DESI1: variants seen among roughly 807,000 people sequenced by gnomAD.
DESI1 encodes the protein PPPDE peptidase domain containing 2.
Under a neutral mutation model 22.4 loss-of-function variants are expected in DESI1, and 17 were observed. The observed-to-expected ratio is 0.76, with a 90% confidence interval of 0.52 to 1.14. DESI1 has a LOEUF of 1.14. DESI1 is among the 50% of genes most tolerant of loss of function. The pLI, the probability that DESI1 is intolerant of heterozygous loss-of-function variation, is 0.00. For synonymous variants in DESI1, 92 were observed against 84.2 expected (o/e 1.09, Z -0.51); for missense variants, 177 against 208.9 (o/e 0.85, Z 0.94).
At chr22:41,612,734 A>G (rs1366612195) in intron 1 of DESI1, among the ~76,000 whole-genome samples, 2 of 149,760 alleles carry the variant, frequency 1.3e-5, no homozygotes, top group Admixed American at 6.7e-5. Context: ...TGCTGAGACT[A>G]TATGTGTACC....
rs751923722 is a variant in DESI1, at chr22:41,600,361, T to A, written c.*736A>T. 6.6e-6 allele frequency: 1 copy of A among 152,318 alleles called. No homozygotes were observed. The highest frequency in any genetic ancestry group is 1.5e-5 in the Non-Finnish European group (1 of 68,164). 9.4% of individuals were successfully genotyped at this position (152,318 alleles called of 1,614,324 possible). ...GCTCCAGCCCAGACCTCATCCACTA[T>A]GACAAGTCAGCTATGCTGAGGAAAG... On this transcript the variant is annotated 3_prime_UTR_variant, in exon 6 of 6. Coordinates refer to ENST00000263256, the MANE Select transcript of DESI1 (RefSeq NM_015704.3).
intron 3 of DESI1, among the ~76,000 whole-genome samples, chr22:41,604,657 C>T (rs1000342364): frequency 4.0e-5 from 6 of 151,776 alleles, no homozygotes; most frequent in Non-Finnish European, 8.8e-5. Flanking sequence ...CTTTGGCTTC[C>T]CTGAGGCACA....
chr22:41,608,468 T>C (rs192350794), intron 1 of DESI1, among the ~76,000 whole-genome samples: 56 of 152,262 alleles, frequency 3.7e-4, no homozygotes, highest in Middle Eastern at 3.4e-3. Flanking sequence ...GTACTAAATA[T>C]AATAAACTAC....
Position 41,620,740 on chromosome 22 carries a change from C to T in DESI1, c.88+12G>A. ...TCCCGCCCTCCTGCCCACCTGGCCC[C>T]TTCCCCCTCACCCAGCATGATGGGG... On this transcript the variant is annotated intron_variant, in intron 1 of 5. Coordinates refer to ENST00000263256, the MANE Select transcript of DESI1 (RefSeq NM_015704.3). 1 of 1,602,140 alleles carries T rather than the reference C, an allele frequency of 6.2e-7. No homozygotes were observed. Among genetic ancestry groups the T allele is most frequent in the Non-Finnish European group, 8.5e-7 (1 of 1,174,710 alleles).
chr22:41,612,197 G>A (rs1472269579), intron 1 of DESI1, among the ~76,000 whole-genome samples: 1 of 152,064 alleles, frequency 6.6e-6, no homozygotes, highest in Non-Finnish European at 1.5e-5. Context: ...ATAGTGAATG[G>A]TATAGAACGA....
rs962938067 is a variant in DESI1 at position 41,599,038 on chromosome 22, A to C, written c.*2059T>G. On this transcript the variant is annotated 3_prime_UTR_variant, in exon 6 of 6. Transcript: ENST00000263256. ...GCCCCTGGTCAGGTCGCAGGCAAACACTAAGGCAGAATGACAGCTCCTCTA... is the reference window on the plus strand; with the variant it reads ...GCCCCTGGTCAGGTCGCAGGCAAACCCTAAGGCAGAATGACAGCTCCTCTA... 7 of 152,236 alleles carry C rather than the reference A, an allele frequency of 4.6e-5. No homozygotes were observed. The highest frequency in any genetic ancestry group is 7.3e-5 in the Non-Finnish European group (5 of 68,056). 9.4% of individuals were successfully genotyped at this position (152,236 alleles called of 1,614,324 possible). A position where few individuals can be genotyped will look rare whatever the true frequency, so the allele number is the denominator to read the frequency against.
intron 1 of DESI1, among the ~76,000 whole-genome samples, chr22:41,620,198 G>A (rs959010410): frequency 1.3e-5 from 2 of 152,098 alleles, no homozygotes; most frequent in African/African-American, 2.4e-5. Context: ...TGACCTACCT[G>A]GGGGCGATGG....
chr22:41,603,237 C>G (rs1052892250), intron 5 of DESI1, 22 bp downstream of exon 5: 2 of 1,613,844 alleles, frequency 1.2e-6, no homozygotes, highest in African/African-American at 2.7e-5. Context: ...AAGGCAGGGG[C>G]AGGGACAGAG....
In DESI1 at chr22:41,603,372, G is replaced by C. The variant is rs1460494629; in HGVS notation, c.300C>G (p.Ala100=). The C allele has an allele frequency of 6.2e-7, 1 of 1,614,082 alleles. No homozygotes were observed. Among genetic ancestry groups the C allele is most frequent in the Non-Finnish European group, 8.5e-7 (1 of 1,180,050 alleles). ...TACAATTGTGTTCAAAGAGGTTGTA[G>C]GCCTCACCTCTGTACATTGAAAGGT... ...SLGESLFRGE[A]YNLFEHNCNT... is the part of the protein sequence containing the mutation. The change falls in exon 5 of 6, where the codon GCC becomes GCG. Residue 100 remains alanine (A), a synonymous_variant. Coordinates refer to ENST00000263256, the MANE Select transcript of DESI1 (RefSeq NM_015704.3).
intron 3 of DESI1, among the ~76,000 whole-genome samples, chr22:41,605,740 G>A (rs1209566195): frequency 1.3e-5 from 2 of 152,166 alleles, no homozygotes; most frequent in Non-Finnish European, 2.9e-5. Flanking sequence ...TAGCAGGGAA[G>A]GGAAACTGAA....
rs546455885 is a variant in DESI1, at chr22:41,614,961, G to C, written c.88+5791C>G. Among the ~76,000 whole-genome samples, 3 of 149,640 alleles carry C rather than the reference G, an allele frequency of 2.0e-5. No homozygotes were observed. In the South Asian group the frequency reaches 6.3e-4, roughly 32 times the overall value. On this transcript the variant is annotated intron_variant, in intron 1 of 5. Transcript: ENST00000263256. ...GTTTTCCACATGCATATCTGCAGAA[G>C]ATTTCATTTCAAGGAAGAGTTTCAC...
At chr22:41,602,486 T>C in intron 5 of DESI1, 1 of 985,372 alleles carries the variant, frequency 1.0e-6, no homozygotes, top group Non-Finnish European at 1.2e-6. Flanking sequence ...TCCTCAGATA[T>C]AAAAAACAGC....
Position 41,620,760 on chromosome 22 carries a change from A to T in DESI1, c.80T>A (p.Ile27Asn). ...SKGLARRLSP[I>N]MLGKQLEGIW... ...GGCCCCTTCCCCCTCACCCAGCATG[A>T]TGGGGCTGAGCCGCCGGGCCAGGCC... The change falls in exon 1 of 6, where the codon ATC (isoleucine) becomes AAC (asparagine). Residue 27 changes from isoleucine to asparagine, a missense_variant. Transcript: ENST00000263256. 3 of 1,610,348 alleles carry T rather than the reference A, an allele frequency of 1.9e-6. No homozygotes were observed. Among genetic ancestry groups the T allele is most frequent in the Non-Finnish European group, 2.5e-6 (3 of 1,178,498 alleles).
At chr22:41,615,654 T>A (rs1026139381) in intron 1 of DESI1, among the ~76,000 whole-genome samples, 4 of 152,222 alleles carry the variant, frequency 2.6e-5, no homozygotes, top group African/African-American at 9.6e-5. Context: ...AAGCTTAAGT[T>A]CAAGTCTCAA....
At chr22:41,620,286 G>A (rs2067578322) in intron 1 of DESI1, among the ~76,000 whole-genome samples, 2 of 152,050 alleles carry the variant, frequency 1.3e-5, no homozygotes, top group Non-Finnish European at 2.9e-5. Context: ...TTGGCACTGA[G>A]ACAAGGTTCT....
At chr22:41,620,683 C>G (rs1187540701) in intron 1 of DESI1, 69 bp downstream of exon 1, 2 of 1,472,756 alleles carry the variant, frequency 1.4e-6, no homozygotes, top group African/African-American at 1.4e-5. Context: ...CAAGTCTCCC[C>G]ACCTCGGCCA....
intron 4 of DESI1, 97 bp from the exon 5 acceptor site, chr22:41,603,478 A>T (rs994150429): frequency 4.0e-5 from 62 of 1,552,736 alleles, no homozygotes; most frequent in Non-Finnish European, 5.2e-5. Context: ...GCACAGCTCA[A>T]TGTGAGGATT....
intron 5 of DESI1, chr22:41,602,543 G>A (rs193224115): frequency 8.2e-5 from 81 of 985,470 alleles, no homozygotes; most frequent in Admixed American, 1.8e-4. Context: ...TGTTAAATAA[G>A]GCCATAGTTC....
intron 1 of DESI1, among the ~76,000 whole-genome samples, chr22:41,615,318 C>T (rs1012593157): frequency 1.3e-5 from 2 of 149,254 alleles, no homozygotes; most frequent in African/African-American, 2.5e-5. Context: ...CGGTGGCGGG[C>T]GCCTGTAATC....
Sources: allele counts gnomAD v4.1 joint callset (sites outside exome capture counted in the v4.1 genomes callset), GRCh38; gene constraint gnomAD v4.1.1; transcripts MANE v1.5; gene names NCBI Gene and HGNC (gene_info 2026-07-23, HGNC 2026-07-21).